The following INTS13 variants were observed in gnomAD, a reference collection of about 807,000 sequenced individuals.
The protein encoded by INTS13 is integrator complex subunit 13.
A neutral mutation model predicts 90.2 loss-of-function variants in INTS13; 35 were observed. The ratio of observed to expected loss-of-function variants is 0.39; its 90% CI spans 0.30 to 0.51. The LOEUF is 0.51. Among genes scored for constraint, INTS13 ranks in the 20% least tolerant of loss-of-function variants. The pLI is 0.80. For synonymous variants in INTS13, 309 were observed against 277.1 expected, an observed-to-expected ratio of 1.11 and a Z score of -1.14; for missense variants, 601 against 851.2, an observed-to-expected ratio of 0.71 and a Z score of 3.66.
In INTS13 at chr12:26,922,626, G is replaced by T; in HGVS notation, c.879C>A (p.Phe293Leu). 1 of 1,581,792 alleles carries T rather than the reference G, an allele frequency of 6.3e-7. No individual in the cohort carries two copies. Among genetic ancestry groups the T allele is most frequent in the Non-Finnish European group, 8.6e-7 (1 of 1,163,556 alleles). Residue 293 changes from phenylalanine to leucine, a missense_variant, in exon 8 of 17, where the codon TTC (phenylalanine) becomes TTA (leucine). By Grantham distance (22) the Phe-to-Leu change is conservative. This residue lies in a region of INTS13 where 284 missense variants were observed against 387.7 expected (regional missense o/e 0.73). Transcript: ENST00000261191. ...TCAAATGTCTCTTACCACTTTTCAG[G>T]AAATCTACATGTGCATCTTTGTGAT... ...LLHHKDAHVD[F>L]LKSGDSHLGG...
chr12:26,912,891 C>A (rs925856376), intron 14 of INTS13, among the ~76,000 whole-genome samples: 13 of 152,068 alleles, frequency 8.5e-5, no homozygotes, highest in African/African-American at 2.9e-4. Context: ...CCATACCCAG[C>A]TGATTTTTGT....
chr12:26,926,342 A>G (rs938051006), intron 5 of INTS13, among the ~76,000 whole-genome samples: 1 of 152,210 alleles, frequency 6.6e-6, no homozygotes, highest in Non-Finnish European at 1.5e-5. Flanking sequence ...TTCAATGAAC[A>G]ACGTATGTCC....
chr12:26,936,304 C>A (rs1286496444), intron 2 of INTS13, among the ~76,000 whole-genome samples: 1 of 152,186 alleles, frequency 6.6e-6, no homozygotes, highest in Non-Finnish European at 1.5e-5. Context: ...ACAGTTCCTA[C>A]CTAACATGAC....
intron 12 of INTS13, 51 bp downstream of exon 12, chr12:26,914,357 A>G (rs1161846675): frequency 4.7e-6 from 7 of 1,492,154 alleles, no homozygotes; most frequent in Middle Eastern, 1.8e-4. Context: ...TGATTTCTAT[A>G]AAGAATATAT....
In INTS13 at chr12:26,924,437, C is replaced by A. The variant is rs750275269; in HGVS notation, c.722G>T (p.Arg241Leu). Residue 241 changes from arginine to leucine, a missense_variant, in exon 7 of 17, where the codon CGG becomes CTG. By Grantham distance (102) the Arg-to-Leu change is moderately radical. This residue lies in a region of INTS13 where 284 missense variants were observed against 387.7 expected (regional missense o/e 0.73). Coordinates refer to ENST00000261191, the MANE Select transcript of INTS13 (RefSeq NM_018164.3). ...TSEVHSVRAG[R>L]HLATKLNILV... ...AATATTCAATTTGGTAGCAAGATGC[C>A]GTCCTGCACGAACACTATGAACTTC... 1.2e-6 allele frequency: 2 copies of A among 1,612,866 alleles called. No individual in the cohort carries two copies. Among genetic ancestry groups the A allele is most frequent in the Admixed American group, 3.3e-5 (2 of 59,934 alleles).
chr12:26,918,334 C>T (rs987155761), intron 8 of INTS13, among the ~76,000 whole-genome samples: 10 of 152,102 alleles, frequency 6.6e-5, no homozygotes, highest in Non-Finnish European at 1.5e-4. Flanking sequence ...AAATTATTTA[C>T]CAAGATTTCC....
In INTS13 at chr12:26,914,485, C is replaced by T. The variant is rs899541753; in HGVS notation, c.1342G>A (p.Ala448Thr). The change falls in exon 12 of 17, where the codon GCA (alanine) becomes ACA (threonine). Residue 448 changes from alanine (A) to threonine (T), a missense_variant. Ala to Thr is a moderately conservative substitution (Grantham distance 58). Coordinates refer to ENST00000261191, the MANE Select transcript of INTS13 (RefSeq NM_018164.3). ...GTATGTTTTTCTAACTGATCTTTTG[C>T]TCGTTCCAAAGGGACCTCAAGACTT... ...DGSLEVPLERAKDQLEKHTRY... is the reference protein window; with the variant it reads ...DGSLEVPLERTKDQLEKHTRY... The T allele has an allele frequency of 8.1e-6, 13 of 1,613,792 alleles. No individual in the cohort carries two copies. The Admixed American group carries it at 1.5e-4, about 19-fold the overall frequency.
Sources: allele counts gnomAD v4.1 joint callset (sites outside exome capture counted in the v4.1 genomes callset), GRCh38; gene constraint gnomAD v4.1.1; regional missense constraint gnomAD v4.1.1; transcripts MANE v1.5; gene names NCBI Gene and HGNC (gene_info 2026-07-23, HGNC 2026-07-21).